Variants in ABCC6 observed in about 807,000 individuals in gnomAD.
The protein encoded by ABCC6 is ATP-binding cassette sub-family C member 6.
In ABCC6, 126 loss-of-function variants were observed where a neutral mutation model predicts 169.5. The observed-to-expected ratio is 0.74, with a 90% CI of 0.64 to 0.86. The LOEUF (loss-of-function observed/expected upper bound fraction) is 0.86. Ranked by LOEUF, ABCC6 falls within the 40% of genes least tolerant of loss-of-function variation. ABCC6 has a pLI of 0.00. For missense variants in ABCC6, 1,733 were observed against 1,927.2 expected (o/e 0.90, Z 1.89); for synonymous variants, 752 against 814.7 (o/e 0.92, Z 1.31).
rs770232227 is a variant in ABCC6 at position 16,169,708 on chromosome 16, C to A, written c.2933G>T (p.Gly978Val). Residue 978 changes from glycine (G) to valine (V), a missense_variant, in exon 22 of 31, where the codon GGT becomes GTT. Gly to Val is a moderately radical substitution (Grantham distance 109, BLOSUM62 -3). Transcript: ENST00000205557. Reference protein sequence around the residue: ...LSLWADDPAVGGQQTQAALRG... With the variant: ...LSLWADDPAVVGQQTQAALRG... ...CAGGGCTGCCTGCGTCTGCTGCCCA[C>A]CTACTGCAGGGTCGTCCGCCCACAG... 1 of 1,611,364 alleles carries A rather than the reference C, an allele frequency of 6.2e-7. No individual in the cohort carries two copies. Among genetic ancestry groups the A allele is most frequent in the African/African-American group, 1.3e-5 (1 of 74,898 alleles).
rs2047269328 is a variant in ABCC6, at chr16:16,176,051, T to C, written c.2591-65A>G. The C allele has an allele frequency of 2.7e-6, 4 of 1,503,736 alleles. No individual in the cohort carries two copies. In the East Asian group the frequency reaches 9.0e-5, roughly 34 times the overall value. The allele number at this position is 1,503,736 out of a possible 1,614,324, so 93.1% of individuals were successfully genotyped here. A position where few individuals can be genotyped will look rare whatever the true frequency, so the allele number is the denominator to read the frequency against. On this transcript the variant is annotated intron_variant, in intron 19 of 30. Coordinates refer to ENST00000205557, the MANE Select transcript of ABCC6 (RefSeq NM_001171.6). ...GATACCCACTTTGACACCCACTGACTATGTGGCCTTAACCGCTCTGACCAT... is the reference window on the plus strand; with the variant it reads ...GATACCCACTTTGACACCCACTGACCATGTGGCCTTAACCGCTCTGACCAT...
Position 16,190,289 on chromosome 16 carries a change from G to A in ABCC6, c.1510C>T (p.His504Tyr). Residue 504 changes from histidine (H) to tyrosine (Y), a missense_variant, in exon 12 of 31, where the codon CAT becomes TAT. His to Tyr is a moderately conservative substitution (Grantham distance 83). Around this residue, in one of 5 missense-constraint regions of ABCC6, gnomAD observed 1,601 missense variants for 1,635.5 expected, o/e 0.98. Transcript: ENST00000205557. ...ILRNSKTIKFHGWEGAFLDRV... is the reference protein window; with the variant it reads ...ILRNSKTIKFYGWEGAFLDRV... ...TCCAGAAAGGCTCCCTCCCAGCCAT[G>A]GAACTTGATGGTCTTCGAGTTCCTG... 1.2e-6 allele frequency: 2 copies of A among 1,614,192 alleles called. No homozygotes were observed. Among genetic ancestry groups the A allele is most frequent in the South Asian group, 2.2e-5 (2 of 91,074 alleles).
At chr16:16,185,604 C>A (rs1038390233) in intron 14 of ABCC6, among the ~76,000 whole-genome samples, 6 of 152,024 alleles carry the variant, frequency 3.9e-5, no homozygotes, top group African/African-American at 1.5e-4. Flanking sequence ...GCCAACATGG[C>A]AAAACCCTGC....
At chr16:16,173,263 G>T in intron 21 of ABCC6, 21 bp downstream of exon 21, 2 of 1,610,734 alleles carry the variant, frequency 1.2e-6, no homozygotes, top group Non-Finnish European at 1.7e-6. Flanking sequence ...GTGGGGAGGG[G>T]TGGGTGAAGC....
intron 25 of ABCC6, among the ~76,000 whole-genome samples, chr16:16,160,233 C>T (rs191041685): frequency 2.0e-5 from 3 of 152,288 alleles, no homozygotes; most frequent in Non-Finnish European, 4.4e-5. Context: ...CACTGCCACC[C>T]AACATGCTCC....
In ABCC6 at chr16:16,165,678, GT is replaced by G. The variant is rs748469243; in HGVS notation, c.3250del (p.Thr1084ProfsTer29). Reference sequence around the variant, plus strand: ...CAGGATGGCCACAGTGGCCAGTGGGGTAGCCACTGCCACCACCAGGCTGACC... The same window carrying G: ...CAGGATGGCCACAGTGGCCAGTGGGGAGCCACTGCCACCACCAGGCTGACC... ...LEVSLVVAVA[T>X]PLATVAILPL... On this transcript the variant is annotated frameshift_variant, in exon 23 of 31. Coordinates refer to ENST00000205557, the MANE Select transcript of ABCC6 (RefSeq NM_001171.6). LOFTEE classifies it high-confidence loss of function. 2 of 1,612,220 alleles carry G rather than the reference GT, an allele frequency of 1.2e-6. No homozygotes were observed. Among genetic ancestry groups the G allele is most frequent in the African/African-American group, 2.7e-5 (2 of 74,932 alleles).
chr16:16,180,303 G>A (rs373222123), intron 17 of ABCC6, among the ~76,000 whole-genome samples: 4 of 152,110 alleles, frequency 2.6e-5, no homozygotes, highest in African/African-American at 9.7e-5. Flanking sequence ...GATCAAATCA[G>A]GGTAACTGAG....
intron 1 of ABCC6, 39 bp from the exon 2 acceptor site, chr16:16,221,870 G>C (rs2049086996): frequency 6.2e-7 from 1 of 1,612,052 alleles, no homozygotes; most frequent in Admixed American, 1.7e-5. Flanking sequence ...ATGGTACAAG[G>C]CAGGGGTCCC....
At chr16:16,181,522 AGCAGT>A (rs1305972264) in intron 17 of ABCC6, among the ~76,000 whole-genome samples, 4 of 152,142 alleles carry the variant, frequency 2.6e-5, no homozygotes, top group African/African-American at 9.7e-5. Context: ...CAGAGGGAAC[AGCAGT>A]GCAAAGGCCC....
chr16:16,151,500 C>CT (rs2046386651), intron 29 of ABCC6, among the ~76,000 whole-genome samples: 1 of 152,180 alleles, frequency 6.6e-6, no homozygotes, highest in Non-Finnish European at 1.5e-5. Flanking sequence ...CTGACTGCTG[C>CT]TTCAAGAATC....
chr16:16,215,204 C>G (rs965569322), intron 4 of ABCC6, among the ~76,000 whole-genome samples: 3 of 152,112 alleles, frequency 2.0e-5, no homozygotes, highest in African/African-American at 7.2e-5. Flanking sequence ...GCATTCTTGC[C>G]ATACACAGTC....
chr16:16,209,069 T>G (rs1191746622), intron 6 of ABCC6, among the ~76,000 whole-genome samples: 1 of 152,004 alleles, frequency 6.6e-6, no homozygotes, highest in Non-Finnish European at 1.5e-5. Context: ...AATTCTTACA[T>G]GAACCCATAA....
In ABCC6 at chr16:16,156,437, C is replaced by T. The variant is rs138261591; in HGVS notation, c.3882+1226G>A. On this transcript the variant is annotated intron_variant, in intron 27 of 30. Transcript: ENST00000205557. ...TCCAAAACTAGAAGCTCATGGAGCT[C>T]ACAGCACCATGTGCCCCCCTGGCCG... Among the ~76,000 whole-genome samples, 12 of 152,294 alleles carry T rather than the reference C, an allele frequency of 7.9e-5. No individual in the cohort carries two copies. The East Asian group carries it at 2.3e-3, about 29-fold the overall frequency.
rs777131275 is a variant in ABCC6, at chr16:16,182,779, G to C, written c.2070+25C>G. The C allele has an allele frequency of 1.9e-6, 3 of 1,613,696 alleles. No individual in the cohort carries two copies. In the South Asian group the frequency reaches 3.3e-5, roughly 18 times the overall value. On this transcript the variant is annotated intron_variant, in intron 16 of 30. Transcript: ENST00000205557. ...GGACTTTCAGGATGGGGACATCCTA[G>C]CAGACAGGCTGGGGGTGGCCTCACC...
At position 16,221,829 on chromosome 16, in the gene ABCC6, G is replaced by A. The variant is rs767580449; in HGVS notation, c.39C>T (p.Val13=). The A allele has an allele frequency of 3.8e-5, 61 of 1,612,798 alleles. No homozygotes were observed. Among genetic ancestry groups the A allele is most frequent in the Non-Finnish European group, 5.0e-5 (59 of 1,179,658 alleles). Residue 13 remains valine, a splice_region_variant and synonymous_variant, in exon 2 of 31, where the codon GTC becomes GTT. Coordinates refer to ENST00000205557, the MANE Select transcript of ABCC6 (RefSeq NM_001171.6). ...APAEPCAGQG[V]WNQTEPEPAA... ...CAGGTTCAGGCTCTGTCTGGTTCCAGACCTGAGGGAACACAAAGAGGACCC... is the reference window on the plus strand; with the variant it reads ...CAGGTTCAGGCTCTGTCTGGTTCCAAACCTGAGGGAACACAAAGAGGACCC...
At position 16,198,343 on chromosome 16, in the gene ABCC6, G is replaced by C. The variant is rs139696771; in HGVS notation, c.1177-161C>G. On this transcript the variant is annotated intron_variant, in intron 9 of 30. Transcript: ENST00000205557. ...TCAGGGCTCTTTGAGGATCCACAGA[G>C]ATGACAAAAATGAAAATCCTCCAAG... is the stretch of plus-strand genomic sequence containing the variant. 2.2e-4 allele frequency among the ~76,000 whole-genome samples: 33 copies of C among 152,332 alleles called. No individual in the cohort carries two copies. In the East Asian group the frequency reaches 6.2e-3, roughly 28 times the overall value.
intron 17 of ABCC6, 128 bp downstream of exon 17, chr16:16,182,284 C>T: frequency 8.2e-7 from 1 of 1,213,446 alleles, no homozygotes; most frequent in Non-Finnish European, 1.2e-6. Context: ...TGAGCTGAGC[C>T]CTTTTTCTCC....
intron 10 of ABCC6, among the ~76,000 whole-genome samples, chr16:16,197,617 G>A (rs1199534437): frequency 1.4e-5 from 2 of 147,768 alleles, no homozygotes; most frequent in African/African-American, 2.5e-5. Flanking sequence ...AGGAGGAGGG[G>A]GAAGGAGGAA....
chr16:16,200,036 A>G (rs1345953787), intron 9 of ABCC6, among the ~76,000 whole-genome samples: 1 of 151,684 alleles, frequency 6.6e-6, no homozygotes, highest in African/African-American at 2.4e-5. Context: ...CCGCTGCACT[A>G]CAGCCTGGGT....
Sources: gnomAD v4.1 joint callset for allele counts (sites outside exome capture counted in the v4.1 genomes callset) on GRCh38, gnomAD v4.1.1 for gene constraint, gnomAD v4.1.1 regional missense constraint, MANE v1.5 for transcripts, NCBI Gene and HGNC (gene_info 2026-07-23, HGNC 2026-07-21) for gene names.